Variants in GJB4 observed in about 807,000 individuals in gnomAD.
GJB4 encodes the protein gap junction beta-4 protein.
For missense variants in GJB4, 371 were observed against 363.8 expected (o/e 1.02, Z -0.16); for synonymous variants, 162 against 158.1 (o/e 1.02, Z -0.18).
Position 34,761,542 on chromosome 1 carries a change from C to T in GJB4, c.288C>T (p.Ala96=), listed in dbSNP as rs375850517. ...CPSLLVVMHV[A]YREERERKHH... is the part of the protein sequence containing the mutation. ...CACTGCTCGTGGTCATGCACGTGGCCTACCGCGAGGAACGCGAGCGCAAGC... is the reference window on the plus strand; with the variant it reads ...CACTGCTCGTGGTCATGCACGTGGCTTACCGCGAGGAACGCGAGCGCAAGC... Residue 96 remains alanine, a synonymous_variant, in exon 2 of 2, where the codon GCC becomes GCT. Coordinates refer to ENST00000339480, the MANE Select transcript of GJB4 (RefSeq NM_153212.3). The surrounding 1 kb of genome is among the most constrained non-coding windows in gnomAD (Gnocchi z 4.4). The T allele has an allele frequency of 1.2e-6, 2 of 1,614,204 alleles. No homozygotes were observed. Among genetic ancestry groups the T allele is most frequent in the Non-Finnish European group, 1.7e-6 (2 of 1,180,036 alleles).
chr1:34,761,047 A>G lies in GJB4; in HGVS notation c.-208A>G. 1 of 621,704 alleles carries G rather than the reference A, an allele frequency of 1.6e-6. No individual in the cohort carries two copies. The highest frequency in any genetic ancestry group is 1.8e-5 in the South Asian group (1 of 54,262). 38.5% of individuals were successfully genotyped at this position (621,704 alleles called of 1,614,324 possible). A position where few individuals can be genotyped will look rare whatever the true frequency, so the allele number is the denominator to read the frequency against. ...CTGGGCCTTCACTTACTCTTTGTGA[A>G]ATGAGGACAGGGGCAATCCCTACCC... On this transcript the variant is annotated 5_prime_UTR_variant, in exon 2 of 2. Transcript: ENST00000339480. This position sits in a 1 kb window ranked among gnomAD's most constrained non-coding sequence, Gnocchi z 4.4.
In GJB4 at chr1:34,761,133, C is replaced by T. The variant is rs747996058; in HGVS notation, c.-122C>T. On this transcript the variant is annotated 5_prime_UTR_variant, in exon 2 of 2. Coordinates refer to ENST00000339480, the MANE Select transcript of GJB4 (RefSeq NM_153212.3). The surrounding 1 kb of genome is among the most constrained non-coding windows in gnomAD (Gnocchi z 4.4). ...GTGATTGTGAAAAGATTTTGTCAAT[C>T]GCACCAGCATTAAGGGTGCCCATCT... The T allele has an allele frequency of 1.9e-4, 161 of 840,046 alleles. No homozygotes were observed. Among genetic ancestry groups the T allele is most frequent in the Non-Finnish European group, 3.0e-4 (152 of 502,266 alleles). 52.0% of individuals were successfully genotyped at this position (840,046 alleles called of 1,614,324 possible).
At position 34,762,058 on chromosome 1, in the gene GJB4, T is replaced by A; in HGVS notation, c.*3T>A. The A allele has an allele frequency of 6.2e-7, 1 of 1,609,916 alleles. No individual in the cohort carries two copies. The highest frequency in any genetic ancestry group is 8.5e-7 in the Non-Finnish European group (1 of 1,178,036). On this transcript the variant is annotated 3_prime_UTR_variant, in exon 2 of 2. Transcript: ENST00000339480. ...TGGATGCAGGTGGGTATCCATAACC[T>A]GCGAGATCAGCAGATAAGATCAACA...
chr1:34,762,028 C>T lies in GJB4; in HGVS notation c.774C>T (p.Ala258=). The change falls in exon 2 of 2, where the codon GCC becomes GCT. Residue 258 remains alanine, a synonymous_variant. Transcript: ENST00000339480. ...GNSVLMKAGS[A]PVDAGGYP is the part of the protein sequence containing the mutation. ...CTGTCCTAATGAAGGCTGGGTCGGC[C>T]CCAGTGGATGCAGGTGGGTATCCAT... 6.2e-7 allele frequency: 1 copy of T among 1,613,808 alleles called. No homozygotes were observed. The highest frequency in any genetic ancestry group is 1.1e-5 in the South Asian group (1 of 91,030).
rs1639699686 is a variant in GJB4 at position 34,761,018 on chromosome 1, ATC to A, written c.-233_-232del. Reference sequence around the variant, plus strand: ...TCCATCTGTGGACCATTGGGCAGGTATCTCTGGGCCTTCACTTACTCTTTGTG... The same window carrying A: ...TCCATCTGTGGACCATTGGGCAGGTATCTGGGCCTTCACTTACTCTTTGTG... On this transcript the variant is annotated 5_prime_UTR_variant, in exon 2 of 2. Transcript: ENST00000339480. The surrounding 1 kb of genome is among the most constrained non-coding windows in gnomAD (Gnocchi z 4.4). 1 of 585,774 alleles carries A rather than the reference ATC, an allele frequency of 1.7e-6. No individual in the cohort carries two copies. Among genetic ancestry groups the A allele is most frequent in the African/African-American group, 1.9e-5 (1 of 53,874 alleles). 36.3% of individuals were successfully genotyped at this position (585,774 alleles called of 1,614,324 possible).
chr1:34,762,214 G>A lies in GJB4; in HGVS notation c.*159G>A, dbSNP rs1639738730. The stretch of plus-strand genomic sequence containing the variant: ...CAGGGGCCAATGTGGGAGGTTGGGG[G>A]TAGTTTGGTCCCTGGGTCCTGAGCC... On this transcript the variant is annotated 3_prime_UTR_variant, in exon 2 of 2. Transcript: ENST00000339480. 2.7e-6 allele frequency: 2 copies of A among 745,618 alleles called. No individual in the cohort carries two copies. Among genetic ancestry groups the A allele is most frequent in the Non-Finnish European group, 4.7e-6 (2 of 424,738 alleles). 46.2% of individuals were successfully genotyped at this position (745,618 alleles called of 1,614,324 possible). A position where few individuals can be genotyped will look rare whatever the true frequency, so the allele number is the denominator to read the frequency against.
rs371995549 is a variant in GJB4, at chr1:34,761,562, G to A, written c.308G>A (p.Arg103His). ...GTGGCCTACCGCGAGGAACGCGAGCGCAAGCACCACCTGAAACACGGGCCC... is the reference window on the plus strand; with the variant it reads ...GTGGCCTACCGCGAGGAACGCGAGCACAAGCACCACCTGAAACACGGGCCC... ...MHVAYREERE[R>H]KHHLKHGPNA... Residue 103 changes from arginine to histidine, a missense_variant, in exon 2 of 2, where the codon CGC becomes CAC. Arg to His is a conservative substitution (Grantham distance 29, BLOSUM62 0). Coordinates refer to ENST00000339480, the MANE Select transcript of GJB4 (RefSeq NM_153212.3). The surrounding 1 kb of genome is among the most constrained non-coding windows in gnomAD (Gnocchi z 4.4). The A allele has an allele frequency of 4.1e-5, 66 of 1,614,196 alleles. No homozygotes were observed. Among genetic ancestry groups the A allele is most frequent in the Middle Eastern group, 3.3e-4 (2 of 6,062 alleles).
chr1:34,761,222 C>T lies in GJB4; in HGVS notation c.-33C>T, dbSNP rs1639703760. 2 of 1,612,108 alleles carry T rather than the reference C, an allele frequency of 1.2e-6. No individual in the cohort carries two copies. Among genetic ancestry groups the T allele is most frequent in the Non-Finnish European group, 1.7e-6 (2 of 1,178,676 alleles). On this transcript the variant is annotated 5_prime_UTR_variant, in exon 2 of 2. Coordinates refer to ENST00000339480, the MANE Select transcript of GJB4 (RefSeq NM_153212.3). This position sits in a 1 kb window ranked among gnomAD's most constrained non-coding sequence, Gnocchi z 4.4. ...TGGGCAGGTAGCACCCAGGTATAGA[C>T]CTTCCACGTGCAGCACCCAGGACAC...
Position 34,762,216 on chromosome 1 carries a change from A to G in GJB4, c.*161A>G. 1 of 734,754 alleles carries G rather than the reference A, an allele frequency of 1.4e-6. No individual in the cohort carries two copies. The highest frequency in any genetic ancestry group is 2.4e-6 in the Non-Finnish European group (1 of 415,920). 45.5% of individuals were successfully genotyped at this position (734,754 alleles called of 1,614,324 possible). ...GGGGCCAATGTGGGAGGTTGGGGGTAGTTTGGTCCCTGGGTCCTGAGCCTC... is the reference window on the plus strand; with the variant it reads ...GGGGCCAATGTGGGAGGTTGGGGGTGGTTTGGTCCCTGGGTCCTGAGCCTC... On this transcript the variant is annotated 3_prime_UTR_variant, in exon 2 of 2. Transcript: ENST00000339480.
chr1:34,761,248 A>T lies in GJB4; in HGVS notation c.-7A>T, dbSNP rs916005026. On this transcript the variant is annotated 5_prime_UTR_variant, in exon 2 of 2. Transcript: ENST00000339480. This position sits in a 1 kb window ranked among gnomAD's most constrained non-coding sequence, Gnocchi z 4.4. Reference sequence around the variant, plus strand: ...CTTCCACGTGCAGCACCCAGGACACAGCCAGCATGAACTGGGCATTTCTGC... The same window carrying T: ...CTTCCACGTGCAGCACCCAGGACACTGCCAGCATGAACTGGGCATTTCTGC... 5.0e-6 allele frequency: 8 copies of T among 1,614,016 alleles called. No individual in the cohort carries two copies. In the Admixed American group the frequency reaches 1.3e-4, roughly 27 times the overall value.
chr1:34,760,375 T>C (rs1478227766), intron 1 of GJB4, among the ~76,000 whole-genome samples: 2 of 152,026 alleles, frequency 1.3e-5, no homozygotes, highest in Non-Finnish European at 2.9e-5. Context: ...AAACAGCCAC[T>C]AAATGGACAG....
At position 34,761,927 on chromosome 1, in the gene GJB4, C is replaced by T. The variant is rs758125233; in HGVS notation, c.673C>T (p.Arg225Trp). The T allele has an allele frequency of 1.3e-5, 21 of 1,614,048 alleles. No homozygotes were observed. Among genetic ancestry groups the T allele is most frequent in the Middle Eastern group, 1.6e-4 (1 of 6,084 alleles). The change falls in exon 2 of 2, where the codon CGG becomes TGG. Residue 225 changes from arginine (R) to tryptophan (W), a missense_variant. Arg to Trp is a moderately radical substitution (Grantham distance 101). Coordinates refer to ENST00000339480, the MANE Select transcript of GJB4 (RefSeq NM_153212.3). This position sits in a 1 kb window ranked among gnomAD's most constrained non-coding sequence, Gnocchi z 4.4. ...EIFGPRHRRP[R>W]CRECLPDTCP... Reference sequence around the variant, plus strand: ...CTTCGGCCCCAGGCACCGGCGGCCTCGGTGCCGGGAATGCCTACCCGATAC... The same window carrying T: ...CTTCGGCCCCAGGCACCGGCGGCCTTGGTGCCGGGAATGCCTACCCGATAC...
In GJB4 at chr1:34,762,012, T is replaced by C. The variant is rs766101103; in HGVS notation, c.758T>C (p.Met253Thr). The change falls in exon 2 of 2, where the codon ATG (methionine) becomes ACG (threonine). Residue 253 changes from methionine to threonine, a missense_variant. Transcript: ENST00000339480. ...CCTGAGGATGGGAACTCTGTCCTAA[T>C]GAAGGCTGGGTCGGCCCCAGTGGAT... ...GHPEDGNSVL[M>T]KAGSAPVDAG... is the part of the protein sequence containing the mutation. The C allele has an allele frequency of 8.1e-6, 13 of 1,614,070 alleles. No homozygotes were observed. The highest frequency in any genetic ancestry group is 1.0e-5 in the Non-Finnish European group (12 of 1,179,968).
chr1:34,762,313 A>C lies in GJB4; in HGVS notation c.*258A>C. The C allele has an allele frequency of 1.1e-5, 6 of 549,808 alleles. No homozygotes were observed. Among genetic ancestry groups the C allele is most frequent in the East Asian group, 3.3e-5 (1 of 30,324 alleles). 34.1% of individuals were successfully genotyped at this position (549,808 alleles called of 1,614,324 possible). On this transcript the variant is annotated 3_prime_UTR_variant, in exon 2 of 2. Transcript: ENST00000339480. ...GTATATGTCAAACCTCTTAATAAAT[A>C]TGATTTTCCCAGTACTTTGCAGACC...
chr1:34,760,833 C>T (rs998506402), intron 1 of GJB4, 100 bp from the exon 2 acceptor site: 32 of 282,194 alleles, frequency 1.1e-4, no homozygotes, highest in Non-Finnish European at 1.8e-4. Context: ...AGCCTTCCTA[C>T]GGTCTCTTTA....
chr1:34,760,420 G>C (rs1639689589), intron 1 of GJB4, among the ~76,000 whole-genome samples: 1 of 152,174 alleles, frequency 6.6e-6, no homozygotes, highest in African/African-American at 2.4e-5. Flanking sequence ...TAAATGGGGG[G>C]TCCAGACCAT....
Position 34,761,444 on chromosome 1 carries a change from T to G in GJB4, c.190T>G (p.Cys64Gly). 1 of 1,614,190 alleles carries G rather than the reference T, an allele frequency of 6.2e-7. No individual in the cohort carries two copies. Among genetic ancestry groups the G allele is most frequent in the Non-Finnish European group, 8.5e-7 (1 of 1,180,008 alleles). Residue 64 changes from cysteine to glycine, a missense_variant, in exon 2 of 2, where the codon TGC (cysteine) becomes GGC (glycine). Transcript: ENST00000339480. The surrounding 1 kb of genome is among the most constrained non-coding windows in gnomAD (Gnocchi z 4.4). ...NTKQPGCPNV[C>G]YDEFFPVSHV... ...CAAGCAGCCCGGCTGCCCCAACGTCTGCTATGACGAGTTCTTCCCCGTGTC... is the reference window on the plus strand; with the variant it reads ...CAAGCAGCCCGGCTGCCCCAACGTCGGCTATGACGAGTTCTTCCCCGTGTC...
chr1:34,761,975 C>G lies in GJB4; in HGVS notation c.721C>G (p.Gln241Glu). 2 of 1,614,182 alleles carry G rather than the reference C, an allele frequency of 1.2e-6. No individual in the cohort carries two copies. The highest frequency in any genetic ancestry group is 1.7e-6 in the Non-Finnish European group (2 of 1,180,010). ...PDTCPPYVLSQGGHPEDGNSV... is the reference protein window; with the variant it reads ...PDTCPPYVLSEGGHPEDGNSV... ...TACGTGCCCACCATATGTCCTCTCC[C>G]AGGGAGGGCACCCTGAGGATGGGAA... is the stretch of plus-strand genomic sequence containing the variant. The change falls in exon 2 of 2, where the codon CAG (glutamine) becomes GAG (glutamate). Residue 241 changes from glutamine to glutamate, a missense_variant. Gln to Glu is a conservative substitution (Grantham distance 29, BLOSUM62 2). Coordinates refer to ENST00000339480, the MANE Select transcript of GJB4 (RefSeq NM_153212.3). The surrounding 1 kb of genome is among the most constrained non-coding windows in gnomAD (Gnocchi z 4.4).
In GJB4 at chr1:34,761,508, C is replaced by T. The variant is rs145285600; in HGVS notation, c.254C>T (p.Thr85Met). ...RLWALQLILV[T>M]CPSLLVVMHV... is the part of the protein sequence containing the mutation. ...TGGGCCCTACAGCTCATCCTGGTCA[C>T]GTGCCCCTCACTGCTCGTGGTCATG... The change falls in exon 2 of 2, where the codon ACG (threonine) becomes ATG (methionine). Residue 85 changes from threonine to methionine, a missense_variant. Coordinates refer to ENST00000339480, the MANE Select transcript of GJB4 (RefSeq NM_153212.3). The surrounding 1 kb of genome is among the most constrained non-coding windows in gnomAD (Gnocchi z 4.4). The T allele has an allele frequency of 2.1e-5, 34 of 1,614,062 alleles. No individual in the cohort carries two copies. Among genetic ancestry groups the T allele is most frequent in the South Asian group, 3.3e-5 (3 of 91,080 alleles).
Sources: gnomAD v4.1 joint callset for allele counts (sites outside exome capture counted in the v4.1 genomes callset) on GRCh38, gnomAD v4.1.1 for gene constraint, Gnocchi (gnomAD v3.1) non-coding constraint, MANE v1.5 for transcripts, NCBI Gene and HGNC (gene_info 2026-07-23, HGNC 2026-07-21) for gene names.